Variants in MSH4 observed in about 807,000 individuals in gnomAD.
MSH4 encodes mutS homolog 4.
In MSH4, 106 loss-of-function variants were observed where a neutral mutation model predicts 113.7. The ratio of observed to expected loss-of-function variants is 0.93; its 90% CI spans 0.80 to 1.10. The LOEUF (loss-of-function observed/expected upper bound fraction) is 1.10. Ranked by LOEUF, MSH4 falls within the 50% of genes least tolerant of loss-of-function variation. MSH4 has a pLI of 0.00. For synonymous variants in MSH4, 368 were observed against 380.2 expected, an observed-to-expected ratio of 0.97 and a Z score of 0.37; for missense variants, 1,061 against 1,093.7, an observed-to-expected ratio of 0.97 and a Z score of 0.42.
chr1:75,846,433 C>T (rs1275738590), intron 7 of MSH4, among the ~76,000 whole-genome samples: 1 of 152,172 alleles, frequency 6.6e-6, no homozygotes, highest in African/African-American at 2.4e-5. Context: ...AGCTATGCAA[C>T]ATCTTGAATG....
intron 17 of MSH4, among the ~76,000 whole-genome samples, chr1:75,893,717 T>G (rs1652311972): frequency 6.6e-6 from 1 of 152,218 alleles, no homozygotes; most frequent in Admixed American, 6.5e-5. Flanking sequence ...AATTTTCTAC[T>G]TTATACAGAC....
rs74479441 is a variant in MSH4 at position 75,905,468 on chromosome 1, T to C, written c.2619+5762T>C. On this transcript the variant is annotated intron_variant, in intron 19 of 19. Coordinates refer to ENST00000263187, the MANE Select transcript of MSH4 (RefSeq NM_002440.4). Reference sequence around the variant, plus strand: ...TTGACACTTGTTTTGTGGCCTAATGTATTGTTTATCCTGGAGACTGTTTCA... The same window carrying C: ...TTGACACTTGTTTTGTGGCCTAATGCATTGTTTATCCTGGAGACTGTTTCA... Among the ~76,000 whole-genome samples the C allele has an allele frequency of 7.6e-3, 1,156 of 152,262 alleles. 46 individuals are homozygous for C. In the East Asian group the frequency reaches 0.12, roughly 16 times the overall value.
intron 9 of MSH4, among the ~76,000 whole-genome samples, chr1:75,874,755 A>T (rs1651780865): frequency 6.6e-6 from 1 of 152,190 alleles, no homozygotes; most frequent in African/African-American, 2.4e-5. Flanking sequence ...TTCAATGATG[A>T]TGATAAAACA....
chr1:75,829,971 C>T (rs375105208), intron 7 of MSH4, among the ~76,000 whole-genome samples: 156 of 152,166 alleles, frequency 1.0e-3, no homozygotes, highest in African/African-American at 3.4e-3. Flanking sequence ...TTCAGACGAT[C>T]GGTAATAGCA....
chr1:75,805,488 A>G lies in MSH4; in HGVS notation c.428-1493A>G, dbSNP rs376918109. Among the ~76,000 whole-genome samples the G allele has an allele frequency of 8.0e-4, 120 of 150,934 alleles. 1 individual carries two copies. In the South Asian group the frequency reaches 0.014, roughly 18 times the overall value. On this transcript the variant is annotated intron_variant, in intron 2 of 19. Transcript: ENST00000263187. Reference sequence around the variant, plus strand: ...TTGCAACATCCACTTCCTGGGTTCAAGTGATTCTCCTGCCTCGGCCTCCCG... The same window carrying G: ...TTGCAACATCCACTTCCTGGGTTCAGGTGATTCTCCTGCCTCGGCCTCCCG...
At chr1:75,809,214 C>A (rs900038679) in intron 3 of MSH4, among the ~76,000 whole-genome samples, 13 of 152,060 alleles carry the variant, frequency 8.5e-5, no homozygotes, top group African/African-American at 3.1e-4. Flanking sequence ...AGCCATCGAG[C>A]CTAGTTAATT....
chr1:75,845,921 A>C (rs1384481773), intron 7 of MSH4, among the ~76,000 whole-genome samples: 1 of 152,170 alleles, frequency 6.6e-6, no homozygotes, highest in East Asian at 1.9e-4. Context: ...ATTTAGGCAG[A>C]AGCCACCATG....
intron 8 of MSH4, among the ~76,000 whole-genome samples, chr1:75,848,604 GT>G (rs1430129635): frequency 6.6e-6 from 1 of 152,132 alleles, no homozygotes; most frequent in African/African-American, 2.4e-5. Flanking sequence ...TGGGCATGCT[GT>G]TGCATGCTTG....
intron 17 of MSH4, among the ~76,000 whole-genome samples, chr1:75,894,632 C>G (rs1396528078): frequency 6.6e-6 from 1 of 152,176 alleles, no homozygotes; most frequent in African/African-American, 2.4e-5. Flanking sequence ...AAACTAACAT[C>G]CATGGACTTA....
Position 75,912,721 on chromosome 1 carries a change from T to C in MSH4, c.2645T>C (p.Met882Thr), listed in dbSNP as rs777030754. 2 of 1,549,204 alleles carry C rather than the reference T, an allele frequency of 1.3e-6. No individual in the cohort carries two copies. The highest frequency in any genetic ancestry group is 1.7e-6 in the Non-Finnish European group (2 of 1,154,638). Residue 882 changes from methionine to threonine, a missense_variant, in exon 20 of 20, where the codon ATG (methionine) becomes ACG (threonine). Met to Thr is a moderately conservative substitution (Grantham distance 81, BLOSUM62 -1). Coordinates refer to ENST00000263187, the MANE Select transcript of MSH4 (RefSeq NM_002440.4). ...ILQNQRSTPE[M>T]ERQRAVYHLA... Reference sequence around the variant, plus strand: ...CAAAACCAAAGGAGTACCCCTGAGATGGAAAGACAGAGAGCTGTGTACCAT... The same window carrying C: ...CAAAACCAAAGGAGTACCCCTGAGACGGAAAGACAGAGAGCTGTGTACCAT...
intron 4 of MSH4, among the ~76,000 whole-genome samples, chr1:75,811,516 T>C (rs1406937848): frequency 6.6e-6 from 1 of 152,192 alleles, no homozygotes; most frequent in Admixed American, 6.5e-5. Context: ...GGATAGCAGC[T>C]ATCAGCAAGT....
chr1:75,888,893 CTT>C (rs74683108), intron 15 of MSH4, among the ~76,000 whole-genome samples: 9 of 132,924 alleles, frequency 6.8e-5, no homozygotes, highest in African/African-American at 1.1e-4. Flanking sequence ...GGTAGGGCAA[CTT>C]TTTTTTTTTT....
Position 75,838,494 on chromosome 1 carries a change from G to C in MSH4, c.1163-9715G>C, listed in dbSNP as rs375068733. Among the ~76,000 whole-genome samples the C allele has an allele frequency of 6.0e-4, 91 of 152,290 alleles. 2 individuals carry two copies. Among genetic ancestry groups the C allele is most frequent in the African/African-American group, 2.1e-3 (86 of 41,562 alleles). On this transcript the variant is annotated intron_variant, in intron 7 of 19. Transcript: ENST00000263187. ...CACAAATTCCAGAAATTAGGAAGCA[G>C]ATCTCTTTGGGGGTCTGGGGGAGGG...
intron 9 of MSH4, among the ~76,000 whole-genome samples, chr1:75,876,722 A>G (rs1651825112): frequency 6.6e-6 from 1 of 152,060 alleles, no homozygotes; most frequent in South Asian, 2.1e-4. Flanking sequence ...TAAGCAGTGG[A>G]TGGCACTAAT....
intron 5 of MSH4, 21 bp downstream of exon 5, chr1:75,815,157 T>G (rs1650269965): frequency 7.8e-7 from 1 of 1,285,188 alleles, no homozygotes; most frequent in Non-Finnish European, 1.1e-6. Flanking sequence ...TATTTATTTA[T>G]TTTTTTACTA....
At chr1:75,842,255 T>A (rs769989831) in intron 7 of MSH4, among the ~76,000 whole-genome samples, 1 of 152,142 alleles carries the variant, frequency 6.6e-6, no homozygotes, top group Non-Finnish European at 1.5e-5. Flanking sequence ...CAAGTTTTAT[T>A]GTGTAGAGGA....
chr1:75,810,583 G>A, intron 3 of MSH4, 114 bp from the exon 4 acceptor site: 1 of 488,984 alleles, frequency 2.0e-6, no homozygotes, highest in Admixed American at 4.1e-5. Context: ...ATATCATTAG[G>A]ACAGTTATAA....
In MSH4 at chr1:75,828,549, C is replaced by T. The variant is rs140254393; in HGVS notation, c.1162+5968C>T. 3.6e-3 allele frequency among the ~76,000 whole-genome samples: 554 copies of T among 152,082 alleles called. 6 individuals carry two copies. The highest frequency in any genetic ancestry group is 0.014 in the South Asian group (69 of 4,816). On this transcript the variant is annotated intron_variant, in intron 7 of 19. Coordinates refer to ENST00000263187, the MANE Select transcript of MSH4 (RefSeq NM_002440.4). ...GAGGCCATTATTCTAAGTGAATGAA[C>T]GCAGAAACAGAAAACCAAATACTGC...
intron 6 of MSH4, among the ~76,000 whole-genome samples, chr1:75,820,723 A>G (rs1650390456): frequency 6.6e-6 from 1 of 152,116 alleles, no homozygotes; most frequent in African/African-American, 2.4e-5. Context: ...CTTCTTTATT[A>G]GTCTTGCTAG....
Sources: gnomAD v4.1 joint callset for allele counts (sites outside exome capture counted in the v4.1 genomes callset) on GRCh38, gnomAD v4.1.1 for gene constraint, MANE v1.5 for transcripts, NCBI Gene and HGNC (gene_info 2026-07-23, HGNC 2026-07-21) for gene names.